Variants in MGMT observed in about 807,000 individuals in gnomAD.
The protein encoded by MGMT is O-6-methylguanine-DNA methyltransferase.
Under a neutral mutation model 15.9 loss-of-function variants are expected in MGMT, and 14 were observed. The observed-to-expected ratio is 0.88, with a 90% CI of 0.58 to 1.37. MGMT has a LOEUF of 1.37. MGMT is among the 40% of genes most tolerant of loss of function. The pLI is 0.00. For missense variants in MGMT, 282 were observed against 268.1 expected (o/e 1.05, Z -0.36); for synonymous variants, 130 against 118.2 (o/e 1.10, Z -0.65).
At chr10:129,536,669 T>C (rs779432940) in intron 2 of MGMT, 13 of 263,370 alleles carry the variant, frequency 4.9e-5, no homozygotes, top group Non-Finnish European at 4.9e-5. Context: ...TACAGAGGAG[T>C]TGGTTGGTGA....
chr10:129,478,750 A>G (rs1208407830), intron 1 of MGMT, among the ~76,000 whole-genome samples: 1 of 152,238 alleles, frequency 6.6e-6, no homozygotes, highest in East Asian at 1.9e-4. Flanking sequence ...CCAGCTGTGC[A>G]GGGAGCAGAT....
intron 2 of MGMT, among the ~76,000 whole-genome samples, chr10:129,681,562 A>AGT (rs1847853084): frequency 1.3e-5 from 2 of 152,246 alleles, no homozygotes; most frequent in Non-Finnish European, 2.9e-5. Context: ...GAGAACAGAG[A>AGT]CAAGTCAGCC....
intron 2 of MGMT, chr10:129,564,154 A>T (rs1221527726): frequency 2.0e-5 from 1 of 48,874 alleles, no homozygotes; most frequent in African/African-American, 8.4e-5. Context: ...CAAGCTTCCT[A>T]CCTTTCCTCC....
intron 3 of MGMT, among the ~76,000 whole-genome samples, chr10:129,736,638 T>C (rs964688151): frequency 6.6e-6 from 1 of 152,220 alleles, no homozygotes; most frequent in African/African-American, 2.4e-5. Context: ...CGTTAGTTGA[T>C]GCAGTTTTTT....
rs78853944 is a variant in MGMT at position 129,534,074 on chromosome 10, G to A, written c.-12-2167G>A. 4.1e-3 allele frequency among the ~76,000 whole-genome samples: 630 copies of A among 152,270 alleles called. 7 individuals carry two copies. The highest frequency in any genetic ancestry group is 0.015 in the African/African-American group (610 of 41,560). On this transcript the variant is annotated intron_variant, in intron 1 of 4. Transcript: ENST00000651593. The stretch of plus-strand genomic sequence containing the variant: ...CTTTGCATACGTTCCCTCTAAACTC[G>A]TGCCGACGTTGTGATTTGGTCTGAT...
intron 1 of MGMT, among the ~76,000 whole-genome samples, chr10:129,518,480 TCC>T: frequency 1.9e-5 from 1 of 53,804 alleles, no homozygotes; most frequent in African/African-American, 7.9e-5. Flanking sequence ...CTGCCCCTCC[TCC>T]CCTCCCTTCC....
chr10:129,672,096 T>G (rs1847731124), intron 2 of MGMT, among the ~76,000 whole-genome samples: 1 of 152,252 alleles, frequency 6.6e-6, no homozygotes, highest in Admixed American at 6.5e-5. Context: ...TTTATTTCAT[T>G]TCACAGGGAA....
intron 2 of MGMT, among the ~76,000 whole-genome samples, chr10:129,666,123 T>C (rs908060714): frequency 3.9e-5 from 6 of 152,296 alleles, no homozygotes; most frequent in Non-Finnish European, 7.4e-5. Flanking sequence ...GGCAAGATGG[T>C]AAAAACAGGT....
At chr10:129,584,398 C>CATGT (rs1288606956) in intron 2 of MGMT, among the ~76,000 whole-genome samples, 1 of 151,900 alleles carries the variant, frequency 6.6e-6, no homozygotes, top group East Asian at 1.9e-4. Context: ...TTTCAAAAAG[C>CATGT]ATGTATGGCT....
chr10:129,611,523 G>C (rs1388771754), intron 2 of MGMT, among the ~76,000 whole-genome samples: 1 of 152,184 alleles, frequency 6.6e-6, no homozygotes, highest in African/African-American at 2.4e-5. Context: ...TTTGGGTGTG[G>C]ACACAGAGCC....
chr10:129,723,008 A>C (rs1214725140), intron 3 of MGMT, among the ~76,000 whole-genome samples: 1 of 73,016 alleles, frequency 1.4e-5, no homozygotes, highest in African/African-American at 5.8e-5. Flanking sequence ...TCTATCACAA[A>C]AAAAAAAAAA....
intron 2 of MGMT, among the ~76,000 whole-genome samples, chr10:129,681,092 C>A (rs368982421): frequency 6.6e-6 from 1 of 152,298 alleles, no homozygotes. Flanking sequence ...CCGGCTGCTA[C>A]CTGTCTGTCT....
intron 1 of MGMT, among the ~76,000 whole-genome samples, chr10:129,516,588 A>G (rs1845740744): frequency 6.6e-6 from 1 of 152,192 alleles, no homozygotes; most frequent in Admixed American, 6.5e-5. Flanking sequence ...CCCTTTCCCA[A>G]TACTGTAAAG....
At chr10:129,610,182 T>C (rs936585253) in intron 2 of MGMT, among the ~76,000 whole-genome samples, 1 of 152,228 alleles carries the variant, frequency 6.6e-6, no homozygotes, top group Admixed American at 6.5e-5. Context: ...TGAAAATATT[T>C]TTATCATTAG....
At chr10:129,747,569 A>C (rs548768072) in intron 3 of MGMT, among the ~76,000 whole-genome samples, 28 of 152,310 alleles carry the variant, frequency 1.8e-4, no homozygotes, top group African/African-American at 6.3e-4. Context: ...CTGCACACCT[A>C]TTTTCCCAAA....
intron 1 of MGMT, among the ~76,000 whole-genome samples, chr10:129,490,164 T>G (rs1845454410): frequency 1.3e-5 from 2 of 152,176 alleles, no homozygotes; most frequent in African/African-American, 4.8e-5. Flanking sequence ...TGTCAGAAAC[T>G]ATTTCAGAGC....
At chr10:129,520,863 G>A (rs149525084) in intron 1 of MGMT, among the ~76,000 whole-genome samples, 3,771 of 143,950 alleles carry the variant, frequency 0.026, 65 homozygotes, top group Non-Finnish European at 0.036. Context: ...CATATGGTGC[G>A]GGTACAGAGC....
At chr10:129,655,749 G>A (rs1197596609) in intron 2 of MGMT, among the ~76,000 whole-genome samples, 1 of 152,198 alleles carries the variant, frequency 6.6e-6, no homozygotes, top group African/African-American at 2.4e-5. Flanking sequence ...TACGTGAGCA[G>A]GAGGGAATTT....
At chr10:129,562,233 A>G (rs1846289069) in intron 2 of MGMT, among the ~76,000 whole-genome samples, 3 of 152,372 alleles carry the variant, frequency 2.0e-5, no homozygotes. Flanking sequence ...AGTTCTAAGC[A>G]TCTTGTGAGT....
Sources: gnomAD v4.1 joint callset for allele counts (sites outside exome capture counted in the v4.1 genomes callset) on GRCh38, gnomAD v4.1.1 for gene constraint, MANE v1.5 for transcripts, NCBI Gene and HGNC (gene_info 2026-07-23, HGNC 2026-07-21) for gene names.